SPDEF: variants seen among roughly 807,000 people sequenced by gnomAD.
The protein encoded by SPDEF is SAM pointed domain-containing Ets transcription factor.
SPDEF carries 12 observed loss-of-function variants against 36.0 expected under a neutral mutation model. That is an observed-to-expected ratio of 0.33 (90% CI 0.21 to 0.54). The LOEUF is 0.54. SPDEF is among the 20% of genes least tolerant of loss of function. SPDEF has a pLI of 0.93. For synonymous variants in SPDEF, 205 were observed against 193.0 expected (o/e 1.06, Z -0.51); for missense variants, 388 against 456.9 (o/e 0.85, Z 1.37).
At chr6:34,548,532 C>T (rs892190944) in intron 1 of SPDEF, among the ~76,000 whole-genome samples, 2 of 152,152 alleles carry the variant, frequency 1.3e-5, no homozygotes, top group East Asian at 1.9e-4. Flanking sequence ...ATAATCAGAG[C>T]TGGAAGGGGC....
At chr6:34,540,785 C>T (rs188948028) in intron 3 of SPDEF, among the ~76,000 whole-genome samples, 199 bp downstream of exon 3, 1 of 152,282 alleles carries the variant, frequency 6.6e-6, no homozygotes, top group East Asian at 1.9e-4. Flanking sequence ...GCTCTGGGGC[C>T]TTGACCAGGG....
chr6:34,541,846 G>T (rs781467592), intron 2 of SPDEF, among the ~76,000 whole-genome samples: 2 of 151,892 alleles, frequency 1.3e-5, no homozygotes, highest in Non-Finnish European at 2.9e-5. Flanking sequence ...TCCCCCTGGG[G>T]TGCTGCTCTG....
chr6:34,549,672 G>A (rs1001697937), intron 1 of SPDEF, among the ~76,000 whole-genome samples: 1 of 152,122 alleles, frequency 6.6e-6, no homozygotes, highest in East Asian at 1.9e-4. Flanking sequence ...TACCTCCTGG[G>A]GAGATGGTGG....
chr6:34,538,343 G>A lies in SPDEF; in HGVS notation c.939C>T (p.Tyr313=), dbSNP rs770570572. 1.7e-5 allele frequency: 28 copies of A among 1,614,154 alleles called. No homozygotes were observed. The South Asian group carries it at 3.0e-4, about 17-fold the overall frequency. Residue 313 remains tyrosine, a synonymous_variant, in exon 6 of 6, where the codon TAC becomes TAT. Coordinates refer to ENST00000374037, the MANE Select transcript of SPDEF (RefSeq NM_012391.3). This position sits in a 1 kb window ranked among gnomAD's most constrained non-coding sequence, Gnocchi z 5.9. ...DKLSRSIRQY[Y]KKGIIRKPDI... is the part of the protein sequence containing the mutation. ...CTGGCTTCCGGATGATGCCCTTCTT[G>A]TAATACTGGCGGATGGAGCGGCTCA...
intron 1 of SPDEF, among the ~76,000 whole-genome samples, chr6:34,553,301 G>T (rs1768102057): frequency 1.3e-5 from 2 of 152,154 alleles, no homozygotes; most frequent in African/African-American, 4.8e-5. Flanking sequence ...GAAGGAGCTT[G>T]GCATTAAATG....
rs1767914313 is a variant in SPDEF at position 34,544,668 on chromosome 6, A to G, written c.-29-184T>C. Among the ~76,000 whole-genome samples the G allele has an allele frequency of 6.6e-6, 1 of 152,176 alleles. No homozygotes were observed. Among genetic ancestry groups the G allele is most frequent in the African/African-American group, 2.4e-5 (1 of 41,434 alleles). On this transcript the variant is annotated intron_variant, in intron 1 of 5. Coordinates refer to ENST00000374037, the MANE Select transcript of SPDEF (RefSeq NM_012391.3). This position sits in a 1 kb window ranked among gnomAD's most constrained non-coding sequence, Gnocchi z 4.4. ...GACAGGCCTTCTGGCTGGGAAAGAC[A>G]GCGAGGTGGGAGTGGGTGCAGGACT... is the stretch of plus-strand genomic sequence containing the variant.
At chr6:34,550,261 C>T (rs189058560) in intron 1 of SPDEF, among the ~76,000 whole-genome samples, 1 of 152,254 alleles carries the variant, frequency 6.6e-6, no homozygotes, top group Admixed American at 6.5e-5. Flanking sequence ...CTTGCTGCAA[C>T]CTCACCCTTC....
Position 34,552,430 on chromosome 6 carries a change from G to A in SPDEF, c.-30+3499C>T, listed in dbSNP as rs1768081712. Among the ~76,000 whole-genome samples, 2 of 152,228 alleles carry A rather than the reference G, an allele frequency of 1.3e-5. No homozygotes were observed. Among genetic ancestry groups the A allele is most frequent in the South Asian group, 4.1e-4 (2 of 4,836 alleles). On this transcript the variant is annotated intron_variant, in intron 1 of 5. Transcript: ENST00000374037. This position sits in a 1 kb window ranked among gnomAD's most constrained non-coding sequence, Gnocchi z 4.6. Reference sequence around the variant, plus strand: ...AACAGGGACTCATAAAGACAGCTGTGTGTCTGGATTTTGAAGTCACCAGGC... The same window carrying A: ...AACAGGGACTCATAAAGACAGCTGTATGTCTGGATTTTGAAGTCACCAGGC...
chr6:34,543,823 G>A (rs1199211190), intron 2 of SPDEF, among the ~76,000 whole-genome samples, 197 bp downstream of exon 2: 1 of 152,174 alleles, frequency 6.6e-6, no homozygotes, highest in Non-Finnish European at 1.5e-5. Context: ...GGCATGGTTG[G>A]GACACTAGAG....
intron 2 of SPDEF, 58 bp from the exon 3 acceptor site, chr6:34,541,239 A>G (rs1363061849): frequency 6.7e-7 from 1 of 1,492,856 alleles, no homozygotes; most frequent in Non-Finnish European, 9.1e-7. Context: ...CCCTGCTGTG[A>G]TGGGGCACCC....
In SPDEF at chr6:34,544,093, C is replaced by G. The variant is rs1476570785; in HGVS notation, c.363G>C (p.Gln121His). Residue 121 changes from glutamine to histidine, a missense_variant, in exon 2 of 6, where the codon CAG (glutamine) becomes CAC (histidine). Physicochemically the swap from Gln to His is conservative, Grantham distance 24. This residue lies in a region of SPDEF where 308 missense variants were observed against 326.1 expected (regional missense o/e 0.94). Coordinates refer to ENST00000374037, the MANE Select transcript of SPDEF (RefSeq NM_012391.3). The surrounding 1 kb of genome is among the most constrained non-coding windows in gnomAD (Gnocchi z 4.4). ...GLTLEEHSLE[Q>H]VQSMVVGEVL... ...CTTCGCCCACCACCATGGACTGCACCTGCTCCAGCGAGTGCTCCTCCAAGG... is the reference window on the plus strand; with the variant it reads ...CTTCGCCCACCACCATGGACTGCACGTGCTCCAGCGAGTGCTCCTCCAAGG... 3 of 1,613,592 alleles carry G rather than the reference C, an allele frequency of 1.9e-6. No individual in the cohort carries two copies. The highest frequency in any genetic ancestry group is 2.5e-6 in the Non-Finnish European group (3 of 1,179,862).
rs773335334 is a variant in SPDEF, at chr6:34,539,316, G to A, written c.763C>T (p.Leu255Phe). ...TGGGGCTTGAGTAGCAACTCCTTGA[G>A]GAACTGCCACAGGTGGATGGGCTGC... Reference protein sequence around the residue: ...SGQPIHLWQFLKELLLKPHSY... With the variant: ...SGQPIHLWQFFKELLLKPHSY... Residue 255 changes from leucine to phenylalanine, a missense_variant, in exon 5 of 6, where the codon CTC becomes TTC. Physicochemically the swap from Leu to Phe is conservative, Grantham distance 22. This residue lies in a region of SPDEF where 80 missense variants were observed against 130.8 expected (regional missense o/e 0.61). Coordinates refer to ENST00000374037, the MANE Select transcript of SPDEF (RefSeq NM_012391.3). This position sits in a 1 kb window ranked among gnomAD's most constrained non-coding sequence, Gnocchi z 5.2. 6.2e-7 allele frequency: 1 copy of A among 1,613,996 alleles called. No individual in the cohort carries two copies. Among genetic ancestry groups the A allele is most frequent in the Non-Finnish European group, 8.5e-7 (1 of 1,180,044 alleles).
intron 1 of SPDEF, among the ~76,000 whole-genome samples, chr6:34,549,337 T>C (rs536971871): frequency 1.6e-4 from 25 of 152,246 alleles, no homozygotes; most frequent in African/African-American, 5.8e-4. Context: ...GGGCCCCTTC[T>C]CTCAGCGCCT....
chr6:34,545,882 C>T (rs3778075), intron 1 of SPDEF, among the ~76,000 whole-genome samples: 1,711 of 151,900 alleles, frequency 0.011, 45 homozygotes, highest in East Asian at 0.096. Context: ...CACTGCACTC[C>T]AGCCTGGGTG....
intron 1 of SPDEF, among the ~76,000 whole-genome samples, chr6:34,545,629 G>C (rs1368335768): frequency 6.6e-6 from 1 of 152,238 alleles, no homozygotes; most frequent in Admixed American, 6.5e-5. Context: ...ATCAAGACAG[G>C]CTCAGTGCAG....
intron 1 of SPDEF, among the ~76,000 whole-genome samples, chr6:34,546,812 G>T (rs1450801009): frequency 3.3e-5 from 5 of 152,092 alleles, no homozygotes; most frequent in South Asian, 4.1e-4. Context: ...CCAAGGCGGG[G>T]CTGGGGATGT....
intron 1 of SPDEF, among the ~76,000 whole-genome samples, chr6:34,549,413 C>A (rs534537751): frequency 6.6e-6 from 1 of 152,156 alleles, no homozygotes; most frequent in Non-Finnish European, 1.5e-5. Context: ...AGATTTAGTG[C>A]AGCTTTTCCT....
At chr6:34,554,567 GC>G (rs1768127722) in intron 1 of SPDEF, among the ~76,000 whole-genome samples, 1 of 152,080 alleles carries the variant, frequency 6.6e-6, no homozygotes, top group South Asian at 2.1e-4. Context: ...GGTCCCCTAC[GC>G]AGTGAGACCA....
intron 3 of SPDEF, among the ~76,000 whole-genome samples, chr6:34,540,543 G>A (rs994568540): frequency 6.6e-6 from 1 of 151,962 alleles, no homozygotes; most frequent in Non-Finnish European, 1.5e-5. Context: ...CTGGGGGTCG[G>A]GAGCGGGAGG....
Sources: allele counts gnomAD v4.1 joint callset (sites outside exome capture counted in the v4.1 genomes callset), GRCh38; gene constraint gnomAD v4.1.1; regional missense constraint gnomAD v4.1.1; non-coding constraint Gnocchi (gnomAD v3.1); transcripts MANE v1.5; gene names NCBI Gene and HGNC (gene_info 2026-07-23, HGNC 2026-07-21).